BABAM2: variants seen among roughly 807,000 people sequenced by gnomAD.
BABAM2 encodes BRISC and BRCA1 A complex member 2.
BABAM2 carries 31 observed loss-of-function variants against 54.7 expected under a neutral mutation model. The ratio of observed to expected loss-of-function variants is 0.57; its 90% CI spans 0.43 to 0.77. The LOEUF is 0.77. Among genes scored for constraint, BABAM2 ranks in the 30% least tolerant of loss-of-function variants. The pLI is 0.00. For missense variants in BABAM2, 364 were observed against 455.8 expected, an observed-to-expected ratio of 0.80 and a Z score of 1.83; for synonymous variants, 167 against 162.9, an observed-to-expected ratio of 1.03 and a Z score of -0.19.
chr2:28,092,876 T>C (rs1169570295), intron 6 of BABAM2, among the ~76,000 whole-genome samples: 1 of 152,120 alleles, frequency 6.6e-6, no homozygotes, highest in East Asian at 1.9e-4. Context: ...ATGTTTTCTT[T>C]GTCTTCATCT....
At position 28,151,554 on chromosome 2, in the gene BABAM2, G is replaced by A. The variant is rs1003264021; in HGVS notation, c.680+22174G>A. The stretch of plus-strand genomic sequence containing the variant: ...CGCGCCATTGCACTCCAGCCTTGGC[G>A]ACAAGAGCAAAACTCCATCTCAAAA... On this transcript the variant is annotated intron_variant, in intron 7 of 11. Transcript: ENST00000379624. Among the ~76,000 whole-genome samples, 4 of 151,966 alleles carry A rather than the reference G, an allele frequency of 2.6e-5. 1 individual carries two copies. The highest frequency in any genetic ancestry group is 5.9e-5 in the Non-Finnish European group (4 of 68,008).
chr2:28,128,134 GGT>G (rs1160331416), intron 6 of BABAM2, among the ~76,000 whole-genome samples: 5 of 152,092 alleles, frequency 3.3e-5, no homozygotes, highest in Non-Finnish European at 5.9e-5. Flanking sequence ...TTAAAGTCTA[GGT>G]GTGACCCTTC....
intron 6 of BABAM2, among the ~76,000 whole-genome samples, chr2:28,061,287 A>T (rs1044887912): frequency 9.4e-5 from 14 of 149,064 alleles, no homozygotes; most frequent in African/African-American, 2.7e-4. Context: ...ATCTATATTT[A>T]AAAAAAAAAG....
chr2:28,236,504 C>T (rs945880892), intron 7 of BABAM2, among the ~76,000 whole-genome samples: 1 of 151,874 alleles, frequency 6.6e-6, no homozygotes, highest in Admixed American at 6.6e-5. Context: ...GCTGGGATTA[C>T]AGGTGCCCAC....
intron 7 of BABAM2, among the ~76,000 whole-genome samples, chr2:28,188,936 C>T (rs1337953935): frequency 6.6e-6 from 1 of 152,202 alleles, no homozygotes; most frequent in African/African-American, 2.4e-5. Flanking sequence ...CACAATGGCT[C>T]ACGCCTGTAA....
intron 3 of BABAM2, among the ~76,000 whole-genome samples, chr2:27,945,548 A>G (rs7577437): frequency 0.65 from 99,480 of 151,956 alleles, 34,234 homozygotes; most frequent in Middle Eastern, 0.8. Context: ...GCATTTCCAT[A>G]GAAGTTTTAG....
intron 6 of BABAM2, among the ~76,000 whole-genome samples, chr2:28,089,403 C>T: frequency 6.6e-6 from 1 of 152,168 alleles, no homozygotes. Context: ...AGTCTAAATG[C>T]TGGAGGTCTT....
chr2:27,963,490 A>G lies in BABAM2; in HGVS notation c.206-24503A>G, dbSNP rs887690711. 1.9e-4 allele frequency among the ~76,000 whole-genome samples: 28 copies of G among 151,284 alleles called. 2 individuals carry two copies. In the South Asian group the frequency reaches 5.6e-3, roughly 30 times the overall value. On this transcript the variant is annotated intron_variant, in intron 3 of 11. Transcript: ENST00000379624. ...TTCTCAAAAAAAAAAAAAAAAAAAA[A>G]AAAGAAAAAGAAAAGAAGGAAGGAT...
intron 10 of BABAM2, among the ~76,000 whole-genome samples, chr2:28,273,680 C>G (rs1170583355): frequency 6.6e-6 from 1 of 152,116 alleles, no homozygotes; most frequent in Admixed American, 6.5e-5. Context: ...GATTATACCA[C>G]TGCACTCCAG....
intron 10 of BABAM2, among the ~76,000 whole-genome samples, chr2:28,292,961 A>G (rs1001269744): frequency 9.2e-5 from 14 of 152,170 alleles, no homozygotes; most frequent in Non-Finnish European, 1.2e-4. Context: ...ATCACTTACT[A>G]TATGGTGATA....
At chr2:28,026,886 AG>A (rs1675812509) in intron 5 of BABAM2, among the ~76,000 whole-genome samples, 3 of 52,564 alleles carry the variant, frequency 5.7e-5, no homozygotes, top group South Asian at 1.2e-3. Context: ...ATATATATAT[AG>A]ATATATATAA....
chr2:28,222,954 G>A (rs1346832990), intron 7 of BABAM2, among the ~76,000 whole-genome samples: 1 of 152,140 alleles, frequency 6.6e-6, no homozygotes, highest in Admixed American at 6.5e-5. Flanking sequence ...GGGAAGTGTG[G>A]GCCCTTGTTA....
At chr2:28,310,649 C>T (rs1329454957) in intron 11 of BABAM2, among the ~76,000 whole-genome samples, 1 of 151,698 alleles carries the variant, frequency 6.6e-6, no homozygotes, top group African/African-American at 2.4e-5. Context: ...TTTGGGAGGC[C>T]GAGGCAGGTG....
intron 10 of BABAM2, among the ~76,000 whole-genome samples, chr2:28,296,538 G>C (rs138006959): frequency 1.3e-5 from 2 of 152,046 alleles, no homozygotes; most frequent in African/African-American, 4.8e-5. Flanking sequence ...TTTGATTCTC[G>C]GGAGTTTTTT....
At chr2:28,239,184 G>A (rs534926529) in intron 8 of BABAM2, among the ~76,000 whole-genome samples, 3 of 152,184 alleles carry the variant, frequency 2.0e-5, no homozygotes, top group East Asian at 1.9e-4. Flanking sequence ...TTCTGATCCC[G>A]CATTAAGCCT....
At chr2:28,277,473 C>T (rs1362783922) in intron 10 of BABAM2, among the ~76,000 whole-genome samples, 1 of 152,144 alleles carries the variant, frequency 6.6e-6, no homozygotes, top group Non-Finnish European at 1.5e-5. Context: ...ATAGATTATT[C>T]ATAACCAACA....
chr2:28,089,258 G>C (rs972424586), intron 6 of BABAM2, among the ~76,000 whole-genome samples: 2 of 152,128 alleles, frequency 1.3e-5, no homozygotes, highest in African/African-American at 4.8e-5. Flanking sequence ...ATGGTACCTA[G>C]AGAAATAAAG....
chr2:28,162,120 T>G (rs143696118), intron 7 of BABAM2, among the ~76,000 whole-genome samples: 1 of 152,226 alleles, frequency 6.6e-6, no homozygotes, highest in Admixed American at 6.5e-5. Flanking sequence ...GGCAAGGAGT[T>G]GTAATTGTTT....
chr2:27,972,913 C>T (rs1232585102), intron 3 of BABAM2, among the ~76,000 whole-genome samples: 4 of 151,388 alleles, frequency 2.6e-5, no homozygotes, highest in African/African-American at 4.9e-5. Flanking sequence ...ACTACAGGCG[C>T]GCACCCCCAC....
Sources: allele counts gnomAD v4.1 joint callset (sites outside exome capture counted in the v4.1 genomes callset), GRCh38; gene constraint gnomAD v4.1.1; transcripts MANE v1.5; gene names NCBI Gene and HGNC (gene_info 2026-07-23, HGNC 2026-07-21).